NNT: variants seen among roughly 807,000 people sequenced by gnomAD.
NNT encodes NAD(P) transhydrogenase, mitochondrial.
A neutral mutation model predicts 104.8 loss-of-function variants in NNT; 50 were observed. The ratio of observed to expected loss-of-function variants is 0.48; its 90% CI spans 0.38 to 0.60. The LOEUF (loss-of-function observed/expected upper bound fraction) is 0.60, where lower values mean the gene tolerates loss of function less well. NNT is among the 20% of genes least tolerant of loss of function. The pLI is 0.00. For missense variants in NNT, 1,131 were observed against 1,330.7 expected (o/e 0.85, Z 2.33); for synonymous variants, 461 against 490.4 (o/e 0.94, Z 0.79).
chr5:43,693,397 A>G (rs1295583350), intron 19 of NNT, among the ~76,000 whole-genome samples: 3 of 152,202 alleles, frequency 2.0e-5, no homozygotes, highest in Non-Finnish European at 1.5e-5. Context: ...ATGCACTTTG[A>G]TTGCTGGAGA....
At position 43,656,713 on chromosome 5, in the gene NNT, T is replaced by A. The variant is rs764607769; in HGVS notation, c.2354T>A (p.Leu785Gln). Residue 785 changes from leucine to glutamine, a missense_variant, in exon 16 of 22, where the codon CTG becomes CAG. Coordinates refer to ENST00000344920, the MANE Select transcript of NNT (RefSeq NM_182977.3). ...PGRHLLNAGLLAASVGGIIPF... is the reference protein window; with the variant it reads ...PGRHLLNAGLQAASVGGIIPF... ...AGGCACTTACTCAATGCAGGCTTAC[T>A]GGCTGCTAGTGTGGGCGGGATAATC... 3.7e-6 allele frequency: 6 copies of A among 1,614,072 alleles called. No homozygotes were observed. Among genetic ancestry groups the A allele is most frequent in the Non-Finnish European group, 5.1e-6 (6 of 1,180,008 alleles).
At chr5:43,606,452 C>A (rs938201928) in intron 1 of NNT, among the ~76,000 whole-genome samples, 1 of 152,116 alleles carries the variant, frequency 6.6e-6, no homozygotes, top group African/African-American at 2.4e-5. Flanking sequence ...CTAGATGTGA[C>A]CCATGAATGA....
Position 43,628,394 on chromosome 5 carries a change from C to A in NNT, c.964+7C>A. On this transcript the variant is annotated splice_region_variant and intron_variant, in intron 7 of 21. Coordinates refer to ENST00000344920, the MANE Select transcript of NNT (RefSeq NM_182977.3). ...AGCACAGCACTTATTCCAGGTATGCCATTAAGTAAACGGTTATTTTAAAAG... is the reference window on the plus strand; with the variant it reads ...AGCACAGCACTTATTCCAGGTATGCAATTAAGTAAACGGTTATTTTAAAAG... 2 of 1,559,032 alleles carry A rather than the reference C, an allele frequency of 1.3e-6. No individual in the cohort carries two copies. The highest frequency in any genetic ancestry group is 1.7e-6 in the Non-Finnish European group (2 of 1,152,876).
At chr5:43,665,487 C>G (rs1048765420) in intron 17 of NNT, among the ~76,000 whole-genome samples, 1 of 152,066 alleles carries the variant, frequency 6.6e-6, no homozygotes, top group East Asian at 1.9e-4. Flanking sequence ...ACATCTTGCA[C>G]CGCCCTTAAT....
chr5:43,618,076 T>C (rs1385058068), intron 4 of NNT, among the ~76,000 whole-genome samples: 1 of 152,204 alleles, frequency 6.6e-6, no homozygotes, highest in Non-Finnish European at 1.5e-5. Flanking sequence ...TAAATTGCTA[T>C]GAAAATGAAA....
At chr5:43,634,228 A>G (rs1750823272) in intron 7 of NNT, among the ~76,000 whole-genome samples, 1 of 152,190 alleles carries the variant, frequency 6.6e-6, no homozygotes, top group Non-Finnish European at 1.5e-5. Context: ...CCTTACATAT[A>G]TGAACCTGAG....
chr5:43,617,590 A>G (rs1749856913), intron 4 of NNT, among the ~76,000 whole-genome samples: 1 of 152,318 alleles, frequency 6.6e-6, no homozygotes, highest in South Asian at 2.1e-4. Flanking sequence ...AAGATGTGCT[A>G]CTTCCACTTC....
At position 43,619,102 on chromosome 5, in the gene NNT, A is replaced by G. The variant is rs1749935959; in HGVS notation, c.670A>G (p.Lys224Glu). 1.3e-6 allele frequency: 2 copies of G among 1,550,662 alleles called. No individual in the cohort carries two copies. The highest frequency in any genetic ancestry group is 1.3e-5 in the South Asian group (1 of 76,396). Reference sequence around the variant, plus strand: ...TACTGGTCAGATCACAGCTGCTGGAAAAGTTCCTCCAGCTAAGGTAGGTAC... The same window carrying G: ...TACTGGTCAGATCACAGCTGCTGGAGAAGTTCCTCCAGCTAAGGTAGGTAC... ...FFTGQITAAG[K>E]VPPAKILIVG... The change falls in exon 5 of 22, where the codon AAA becomes GAA. Residue 224 changes from lysine to glutamate, a missense_variant. By Grantham distance (56) the Lys-to-Glu change is moderately conservative (BLOSUM62 1). Transcript: ENST00000344920.
intron 5 of NNT, 26 bp from the exon 6 acceptor site, chr5:43,624,006 A>C (rs1750231775): frequency 6.2e-7 from 1 of 1,608,612 alleles, no homozygotes; most frequent in African/African-American, 1.3e-5. Flanking sequence ...AATGAGCCTT[A>C]ACACATAACT....
At chr5:43,669,252 C>A (rs1229046686) in intron 17 of NNT, among the ~76,000 whole-genome samples, 1 of 152,002 alleles carries the variant, frequency 6.6e-6, no homozygotes, top group African/African-American at 2.4e-5. Flanking sequence ...TTCCTCTTTT[C>A]CTAATTGAAT....
chr5:43,671,466 T>A (rs1309448395), intron 17 of NNT, among the ~76,000 whole-genome samples: 1 of 152,252 alleles, frequency 6.6e-6, no homozygotes, highest in Non-Finnish European at 1.5e-5. Context: ...GGAGCTCTTG[T>A]AAGGCAGGCC....
Position 43,608,179 on chromosome 5 carries a change from T to G in NNT, c.-53-964T>G, listed in dbSNP as rs1276027818. ...CTCCTGACCTCGTGATCTGCTCACC[T>G]TGGCCTCCCAAAGTGCTGGGATTAC... On this transcript the variant is annotated intron_variant, in intron 1 of 21. Coordinates refer to ENST00000344920, the MANE Select transcript of NNT (RefSeq NM_182977.3). Among the ~76,000 whole-genome samples, 5 of 151,986 alleles carry G rather than the reference T, an allele frequency of 3.3e-5. No homozygotes were observed. The East Asian group carries it at 9.8e-4, about 30-fold the overall frequency.
intron 19 of NNT, among the ~76,000 whole-genome samples, chr5:43,683,905 A>G (rs1439091501): frequency 6.6e-6 from 1 of 151,908 alleles, no homozygotes; most frequent in Non-Finnish European, 1.5e-5. Flanking sequence ...TGGTAGTTGG[A>G]TTTGGTTAAG....
At chr5:43,698,912 A>G (rs527441124) in intron 19 of NNT, among the ~76,000 whole-genome samples, 2 of 151,002 alleles carry the variant, frequency 1.3e-5, no homozygotes, top group Admixed American at 1.3e-4. Flanking sequence ...ATATATATAT[A>G]TATGTAGTCT....
chr5:43,667,041 G>A, intron 17 of NNT: 3 of 1,596,878 alleles, frequency 1.9e-6, no homozygotes, highest in Non-Finnish European at 2.5e-6. Flanking sequence ...GTGCACTCAT[G>A]GCCTTGGCAT....
intron 6 of NNT, among the ~76,000 whole-genome samples, chr5:43,625,060 C>T (rs1008326336): frequency 8.5e-5 from 13 of 152,080 alleles, no homozygotes; most frequent in African/African-American, 3.1e-4. Context: ...TCCAAAGTAA[C>T]CAGGACACAA....
chr5:43,613,195 A>T (rs1158943362), intron 3 of NNT, 58 bp downstream of exon 3: 1 of 1,360,948 alleles, frequency 7.3e-7, no homozygotes, highest in Non-Finnish European at 1.0e-6. Flanking sequence ...AAATCTTTTC[A>T]TAGAAAAATT....
intron 17 of NNT, among the ~76,000 whole-genome samples, chr5:43,665,139 A>G (rs1740564715): frequency 6.6e-6 from 1 of 151,998 alleles, no homozygotes; most frequent in Non-Finnish European, 1.5e-5. Flanking sequence ...TACTGCTGTG[A>G]TCTTCTGCAG....
At chr5:43,649,000 T>C (rs562492960) in intron 10 of NNT, 147 bp from the exon 11 acceptor site, 2 of 907,046 alleles carry the variant, frequency 2.2e-6, no homozygotes, top group Non-Finnish European at 3.4e-6. Context: ...ACTTCTCAAC[T>C]GTCAAATGTC....
Sources: gnomAD v4.1 joint callset for allele counts (sites outside exome capture counted in the v4.1 genomes callset) on GRCh38, gnomAD v4.1.1 for gene constraint, MANE v1.5 for transcripts, NCBI Gene and HGNC (gene_info 2026-07-23, HGNC 2026-07-21) for gene names.